ZBTB20: variants seen among roughly 807,000 people sequenced by gnomAD.
ZBTB20 encodes the protein zinc finger and BTB domain-containing protein 20.
A neutral mutation model predicts 56.9 loss-of-function variants in ZBTB20; 9 were observed. That is an observed-to-expected ratio of 0.16 (90% CI 0.10 to 0.28). The LOEUF is 0.28. Ranked by LOEUF, ZBTB20 falls within the 10% of genes least tolerant of loss-of-function variation. The pLI is 1.00. For synonymous variants in ZBTB20, 417 were observed against 420.7 expected (o/e 0.99, Z 0.11); for missense variants, 655 against 1,003.0 (o/e 0.65, Z 4.69).
intron 7 of ZBTB20, among the ~76,000 whole-genome samples, chr3:114,422,687 C>T (rs2089291667): frequency 1.3e-5 from 2 of 152,140 alleles, no homozygotes; most frequent in South Asian, 4.1e-4. Flanking sequence ...AGCTTCTAGA[C>T]ATCAAACTTA....
intron 7 of ZBTB20, among the ~76,000 whole-genome samples, chr3:114,493,401 G>A (rs888983959): frequency 2.0e-5 from 3 of 152,132 alleles, no homozygotes; most frequent in Non-Finnish European, 4.4e-5. Flanking sequence ...ATGCCCCAAA[G>A]TTTACCCTTT....
At chr3:114,894,016 A>G (rs992814735) in intron 4 of ZBTB20, among the ~76,000 whole-genome samples, 1 of 152,232 alleles carries the variant, frequency 6.6e-6, no homozygotes, top group Non-Finnish European at 1.5e-5. Context: ...GTCCCTTGAC[A>G]CAAGTCCTAA....
intron 5 of ZBTB20, among the ~76,000 whole-genome samples, chr3:114,775,190 G>A (rs1277141060): frequency 2.0e-5 from 3 of 151,600 alleles, no homozygotes; most frequent in Admixed American, 6.6e-5. Context: ...GCTAGGCTTC[G>A]GGACACAGTC....
intron 10 of ZBTB20, among the ~76,000 whole-genome samples, chr3:114,366,053 A>T (rs1204678668): frequency 6.6e-6 from 1 of 152,192 alleles, no homozygotes; most frequent in East Asian, 1.9e-4. Context: ...TTCAACAAAC[A>T]TTTGCTGAGC....
At chr3:114,964,057 T>C (rs920156552) in intron 3 of ZBTB20, among the ~76,000 whole-genome samples, 2 of 152,140 alleles carry the variant, frequency 1.3e-5, no homozygotes, top group African/African-American at 2.4e-5. Context: ...AGCACAAAAA[T>C]GAACATGACA....
chr3:115,009,537 C>A (rs2079612083), intron 2 of ZBTB20, among the ~76,000 whole-genome samples: 1 of 151,838 alleles, frequency 6.6e-6, no homozygotes, highest in Admixed American at 6.6e-5. Flanking sequence ...TGTTCATGTG[C>A]CTCTACACCA....
intron 7 of ZBTB20, among the ~76,000 whole-genome samples, chr3:114,390,163 G>A (rs1001978918): frequency 1.8e-4 from 27 of 152,030 alleles, no homozygotes; most frequent in Admixed American, 6.5e-5. Context: ...GTGAGGTCAC[G>A]TGGTATTTGT....
chr3:114,408,986 A>C (rs2087635864), intron 7 of ZBTB20, among the ~76,000 whole-genome samples: 1 of 152,076 alleles, frequency 6.6e-6, no homozygotes, highest in African/African-American at 2.4e-5. Context: ...GCCTTCATAC[A>C]TCACAAAGCT....
intron 1 of ZBTB20, among the ~76,000 whole-genome samples, chr3:115,084,224 A>G (rs962793781): frequency 6.6e-6 from 1 of 151,060 alleles, no homozygotes; most frequent in African/African-American, 2.4e-5. Flanking sequence ...CTGTCACAGT[A>G]ATATTTACTA....
intron 1 of ZBTB20, among the ~76,000 whole-genome samples, chr3:115,084,203 G>GT (rs1232926023): frequency 6.8e-6 from 1 of 147,550 alleles, no homozygotes; most frequent in Non-Finnish European, 1.5e-5. Context: ...CTTTGTATAG[G>GT]TAAGTAGCAA....
At chr3:114,968,135 GTA>G (rs2077725476) in intron 3 of ZBTB20, among the ~76,000 whole-genome samples, 2 of 152,044 alleles carry the variant, frequency 1.3e-5, no homozygotes, top group South Asian at 4.1e-4. Flanking sequence ...ATATTTGAAT[GTA>G]TATATTATAT....
chr3:114,872,021 G>A (rs1160553250), intron 4 of ZBTB20, among the ~76,000 whole-genome samples: 1 of 151,704 alleles, frequency 6.6e-6, no homozygotes, highest in Non-Finnish European at 1.5e-5. Flanking sequence ...TTCACTTCCC[G>A]CCAGGAAAAA....
intron 2 of ZBTB20, among the ~76,000 whole-genome samples, chr3:115,056,658 G>A (rs940832462): frequency 6.6e-6 from 1 of 152,074 alleles, no homozygotes; most frequent in Non-Finnish European, 1.5e-5. Flanking sequence ...TAATGATTGC[G>A]TGAGGGTATG....
chr3:114,788,813 A>G (rs1434393745), intron 5 of ZBTB20, among the ~76,000 whole-genome samples: 1 of 152,200 alleles, frequency 6.6e-6, no homozygotes, highest in Non-Finnish European at 1.5e-5. Flanking sequence ...ACAGTTCCAC[A>G]TGGCTGGTGA....
At chr3:115,110,501 A>G (rs2083845878) in intron 1 of ZBTB20, among the ~76,000 whole-genome samples, 1 of 152,262 alleles carries the variant, frequency 6.6e-6, no homozygotes, top group African/African-American at 2.4e-5. Context: ...ATTTGTATTA[A>G]ATACAAAAAA....
chr3:114,991,926 C>A (rs575555296), intron 2 of ZBTB20, among the ~76,000 whole-genome samples: 1 of 152,052 alleles, frequency 6.6e-6, no homozygotes, highest in African/African-American at 2.4e-5. Context: ...AGGATTGCAA[C>A]CACTGCCTTT....
At chr3:114,863,009 T>C (rs552650513) in intron 4 of ZBTB20, among the ~76,000 whole-genome samples, 1 of 152,262 alleles carries the variant, frequency 6.6e-6, no homozygotes, top group African/African-American at 2.4e-5. Context: ...TTACTGTTTA[T>C]GGGCATAAGA....
chr3:114,359,244 G>C (rs890082333), intron 10 of ZBTB20: 3 of 152,076 alleles, frequency 2.0e-5, no homozygotes, highest in Non-Finnish European at 2.9e-5. Context: ...CCAACCATAA[G>C]TTAAAACTTC....
chr3:114,427,394 G>A (rs562654869), intron 7 of ZBTB20, among the ~76,000 whole-genome samples: 1 of 152,264 alleles, frequency 6.6e-6, no homozygotes, highest in East Asian at 1.9e-4. Context: ...TCCCTCACGG[G>A]ATCAACTATA....
Sources: allele counts gnomAD v4.1 joint callset (sites outside exome capture counted in the v4.1 genomes callset), GRCh38; gene constraint gnomAD v4.1.1; transcripts MANE v1.5; gene names NCBI Gene and HGNC (gene_info 2026-07-23, HGNC 2026-07-21).